Variants in URB1 observed in about 807,000 individuals in gnomAD.
URB1 encodes URB1 ribosome biogenesis factor, also known as nucleolar pre-ribosomal-associated protein 1.
Under a neutral mutation model 242.3 loss-of-function variants are expected in URB1, and 197 were observed. The observed-to-expected ratio is 0.81, with a 90% CI of 0.72 to 0.91. The LOEUF (loss-of-function observed/expected upper bound fraction) is 0.91, where lower values mean the gene tolerates loss of function less well. Among genes scored for constraint, URB1 ranks in the 40% least tolerant of loss-of-function variants. The pLI is 0.00. For missense variants in URB1, 2,721 were observed against 2,860.5 expected (o/e 0.95, Z 1.11); for synonymous variants, 1,153 against 1,201.8 (o/e 0.96, Z 0.84).
intron 2 of URB1, 110 bp from the exon 3 acceptor site, chr21:32,384,574 C>G (rs1041454049): frequency 2.2e-6 from 3 of 1,375,578 alleles, no homozygotes; most frequent in African/African-American, 2.9e-5. Flanking sequence ...AAGCCTTCAA[C>G]ATGCAGGATG....
intron 20 of URB1, among the ~76,000 whole-genome samples, chr21:32,350,386 A>G (rs765189608): frequency 4.1e-4 from 63 of 152,346 alleles, no homozygotes; most frequent in Non-Finnish European, 7.3e-4. Context: ...GTAGTGAGCT[A>G]TGATGCGCCA....
At chr21:32,351,978 A>C (rs2033163517) in intron 19 of URB1, among the ~76,000 whole-genome samples, 2 of 152,204 alleles carry the variant, frequency 1.3e-5, no homozygotes, top group African/African-American at 4.8e-5. Context: ...GAGTTACAGT[A>C]AGGATTAAAC....
intron 25 of URB1, among the ~76,000 whole-genome samples, chr21:32,339,494 C>CTTT (rs751108545): frequency 2.2e-5 from 3 of 139,130 alleles, no homozygotes; most frequent in African/African-American, 5.3e-5. Flanking sequence ...TTTTTTTTTT[C>CTTT]TTTTTTTTTT....
chr21:32,361,159 A>AAAAGAAAGAAAGAAAGAATGAAAG (rs2033280628), intron 12 of URB1, 36 bp from the exon 13 acceptor site: 1 of 264,830 alleles, frequency 3.8e-6, no homozygotes, highest in Non-Finnish European at 6.4e-6. Context: ...AAAAAGAGAA[A>AAAAGAAAGAAAGAAAGAATGAAAG]AAAGAAAGAA....
At chr21:32,328,459 G>A (rs990317095) in intron 30 of URB1, among the ~76,000 whole-genome samples, 15 of 152,080 alleles carry the variant, frequency 9.9e-5, no homozygotes, top group Non-Finnish European at 1.8e-4. Flanking sequence ...TTTCTCACAA[G>A]TGACTGTTTT....
intron 19 of URB1, among the ~76,000 whole-genome samples, chr21:32,351,347 T>C (rs1228083209): frequency 6.6e-6 from 1 of 152,210 alleles, no homozygotes; most frequent in Non-Finnish European, 1.5e-5. Context: ...AATATCTTGT[T>C]AGAAGGACAG....
intron 7 of URB1, 55 bp from the exon 8 acceptor site, chr21:32,372,686 A>C: frequency 6.7e-7 from 1 of 1,499,864 alleles, no homozygotes. Context: ...CACTTTAGTA[A>C]GAGCTAGAGT....
Position 32,350,694 on chromosome 21 carries a change from C to A in URB1, c.2832+10G>T. ...CTCTGAAGCCTGTGGAGGATGGGGG[C>A]AACGCTGACCTGGCCGAAGTTCTCC... On this transcript the variant is annotated intron_variant, in intron 20 of 38. Transcript: ENST00000382751. 1 of 1,550,124 alleles carries A rather than the reference C, an allele frequency of 6.5e-7. No individual in the cohort carries two copies. The highest frequency in any genetic ancestry group is 2.4e-5 in the East Asian group (1 of 40,868).
intron 34 of URB1, among the ~76,000 whole-genome samples, chr21:32,321,375 C>G (rs1233135436): frequency 6.6e-6 from 1 of 152,110 alleles, no homozygotes; most frequent in Non-Finnish European, 1.5e-5. Context: ...TTCTGACAAC[C>G]CCCAACTTCT....
At position 32,315,112 on chromosome 21, in the gene URB1, AG is replaced by A; in HGVS notation, c.6635-14del. 1 of 1,508,116 alleles carries A rather than the reference AG, an allele frequency of 6.6e-7. No individual in the cohort carries two copies. The highest frequency in any genetic ancestry group is 8.9e-7 in the Non-Finnish European group (1 of 1,119,660). 93.4% of individuals were successfully genotyped at this position (1,508,116 alleles called of 1,614,324 possible). ...AATGCTGCGGAGGCTGAACAAGAGCAGGGGATAGGCCATTAGGATGCACACC... is the reference window on the plus strand; with the variant it reads ...AATGCTGCGGAGGCTGAACAAGAGCAGGGATAGGCCATTAGGATGCACACC... On this transcript the variant is annotated splice_polypyrimidine_tract_variant and intron_variant, in intron 38 of 38. Coordinates refer to ENST00000382751, the MANE Select transcript of URB1 (RefSeq NM_014825.3).
chr21:32,324,394 T>C (rs866102613), intron 32 of URB1, 97 bp downstream of exon 32: 2 of 981,742 alleles, frequency 2.0e-6, no homozygotes, highest in East Asian at 2.6e-5. Flanking sequence ...TGAACACAGA[T>C]GTGTGACCCA....
At chr21:32,316,166 C>G (rs1964017226) in intron 38 of URB1, among the ~76,000 whole-genome samples, 3 of 56 alleles carry the variant, frequency 0.054, no homozygotes, top group South Asian at 0.33. Context: ...TGGTCAGAAA[C>G]CCATTGCCTG....
chr21:32,348,678 A>T (rs981854308), intron 21 of URB1, among the ~76,000 whole-genome samples: 1 of 152,216 alleles, frequency 6.6e-6, no homozygotes, highest in Non-Finnish European at 1.5e-5. Flanking sequence ...CCAGTTAAAA[A>T]CAGCAAAGCA....
At chr21:32,340,937 A>G (rs1331385399) in intron 25 of URB1, among the ~76,000 whole-genome samples, 1 of 152,220 alleles carries the variant, frequency 6.6e-6, no homozygotes, top group Non-Finnish European at 1.5e-5. Context: ...ACTTAGATCT[A>G]CAAGTATCAG....
At chr21:32,350,655 C>T in intron 20 of URB1, 49 bp downstream of exon 20, 1 of 1,536,510 alleles carries the variant, frequency 6.5e-7, no homozygotes, top group Non-Finnish European at 8.8e-7. Flanking sequence ...AGGCTTAGCT[C>T]TCTGGTGGCA....
chr21:32,315,177 A>T (rs749445737), intron 38 of URB1, 78 bp from the exon 39 acceptor site: 158 of 1,390,466 alleles, frequency 1.1e-4, no homozygotes, highest in Non-Finnish European at 1.4e-4. Context: ...CCACAATGCA[A>T]CGGCTTTGCC....
At chr21:32,363,370 T>G in intron 10 of URB1, 41 bp from the exon 11 acceptor site, 2 of 1,537,590 alleles carry the variant, frequency 1.3e-6, no homozygotes, top group South Asian at 1.2e-5. Flanking sequence ...GTCTCTAGGA[T>G]ACACAGATTT....
At chr21:32,389,230 G>A (rs1318038617) in intron 1 of URB1, among the ~76,000 whole-genome samples, 2 of 152,186 alleles carry the variant, frequency 1.3e-5, no homozygotes, top group East Asian at 3.8e-4. Flanking sequence ...AAGGCTGGAG[G>A]GTACACTGGA....
At chr21:32,344,129 T>C (rs990870836) in intron 24 of URB1, among the ~76,000 whole-genome samples, 1 of 152,142 alleles carries the variant, frequency 6.6e-6, no homozygotes, top group African/African-American at 2.4e-5. Flanking sequence ...GAAAATAAAA[T>C]TACAAATATC....
Sources: allele counts gnomAD v4.1 joint callset (sites outside exome capture counted in the v4.1 genomes callset), GRCh38; gene constraint gnomAD v4.1.1; transcripts MANE v1.5; gene names NCBI Gene and HGNC (gene_info 2026-07-23, HGNC 2026-07-21).